The following XYLT1 variants were observed in gnomAD, a reference collection of about 807,000 sequenced individuals.
XYLT1 encodes beta-D-xylosyltransferase 1.
In XYLT1, 36 loss-of-function variants were observed where a neutral mutation model predicts 91.3. The ratio of observed to expected loss-of-function variants is 0.39; its 90% confidence interval spans 0.30 to 0.52. XYLT1 has a LOEUF of 0.52. Ranked by LOEUF, XYLT1 falls within the 20% of genes least tolerant of loss-of-function variation. The probability of loss-of-function intolerance (pLI) is 0.68; values close to 1 mark genes in which losing one functional copy is unlikely to be tolerated. For synonymous variants in XYLT1, 588 were observed against 532.0 expected (o/e 1.11, Z -1.45); for missense variants, 1,242 against 1,284.5 (o/e 0.97, Z 0.51).
intron 2 of XYLT1, among the ~76,000 whole-genome samples, chr16:17,357,264 C>A (rs1015748557): frequency 6.6e-6 from 1 of 151,472 alleles, no homozygotes; most frequent in Non-Finnish European, 1.5e-5. Context: ...CTGTGACCCT[C>A]AACCACAACT....
chr16:17,139,655 C>A (rs1483797493), intron 7 of XYLT1, among the ~76,000 whole-genome samples: 1 of 152,198 alleles, frequency 6.6e-6, no homozygotes, highest in African/African-American at 2.4e-5. Context: ...GGGAGGCATA[C>A]ATTCTCCAAC....
intron 5 of XYLT1, among the ~76,000 whole-genome samples, chr16:17,162,499 A>C (rs1173980894): frequency 6.6e-6 from 1 of 152,170 alleles, no homozygotes; most frequent in African/African-American, 2.4e-5. Context: ...AAAGTGCAGA[A>C]CCAGAACTGG....
chr16:17,399,216 T>A (rs2035932711), intron 1 of XYLT1, among the ~76,000 whole-genome samples: 1 of 152,036 alleles, frequency 6.6e-6, no homozygotes, highest in East Asian at 1.9e-4. Flanking sequence ...ACAGATGACA[T>A]CCTCAAAGTC....
chr16:17,383,176 C>T (rs1430543900), intron 1 of XYLT1, among the ~76,000 whole-genome samples: 1 of 151,858 alleles, frequency 6.6e-6, no homozygotes, highest in Non-Finnish European at 1.5e-5. Flanking sequence ...TCTAAACCAC[C>T]GTCACTAGCC....
intron 11 of XYLT1, among the ~76,000 whole-genome samples, chr16:17,113,961 A>G (rs1388398468): frequency 6.6e-6 from 1 of 151,266 alleles, no homozygotes; most frequent in African/African-American, 2.4e-5. Flanking sequence ...GTGCACCCCA[A>G]TGCCATGGGG....
intron 2 of XYLT1, among the ~76,000 whole-genome samples, chr16:17,262,297 G>A (rs545905386): frequency 1.3e-5 from 2 of 152,240 alleles, no homozygotes; most frequent in African/African-American, 4.8e-5. Flanking sequence ...ACTACTGTTC[G>A]CCCACCTTAC....
intron 3 of XYLT1, among the ~76,000 whole-genome samples, chr16:17,218,078 T>A (rs545677153): frequency 6.6e-6 from 1 of 151,970 alleles, no homozygotes; most frequent in Non-Finnish European, 1.5e-5. Flanking sequence ...GCCAACATGG[T>A]GAAACCTCAT....
In XYLT1 at chr16:17,108,765, G is replaced by A; in HGVS notation, c.2810C>T (p.Ala937Val). ...CPVMQTCSQT[A>V]WSSFSPDPKS... Reference sequence around the variant, plus strand: ...GGGGTCAGGGCTGAAGGAGCTCCAGGCCGTCTGGCTGCAGGTCTGCATGAC... The same window carrying A: ...GGGGTCAGGGCTGAAGGAGCTCCAGACCGTCTGGCTGCAGGTCTGCATGAC... The change falls in exon 12 of 12, where the codon GCC becomes GTC. Residue 937 changes from alanine (A) to valine (V), a missense_variant. Ala to Val is a moderately conservative substitution (Grantham distance 64, BLOSUM62 0). This residue lies in a region of XYLT1 where 511 missense variants were observed against 497.0 expected (regional missense o/e 1.03). Transcript: ENST00000261381. 1 of 1,608,468 alleles carries A rather than the reference G, an allele frequency of 6.2e-7. No homozygotes were observed.
intron 1 of XYLT1, among the ~76,000 whole-genome samples, chr16:17,377,382 A>G (rs566557530): frequency 6.6e-6 from 1 of 152,154 alleles, no homozygotes; most frequent in Non-Finnish European, 1.5e-5. Context: ...TCAGCTAGAC[A>G]TGGCGATAGA....
chr16:17,334,792 A>G (rs942780024), intron 2 of XYLT1, among the ~76,000 whole-genome samples: 5 of 152,100 alleles, frequency 3.3e-5, no homozygotes, highest in Non-Finnish European at 5.9e-5. Flanking sequence ...CTGAGGCAGG[A>G]GAATGGCGTG....
chr16:17,132,304 C>T (rs896942680), intron 9 of XYLT1, among the ~76,000 whole-genome samples: 39 of 152,110 alleles, frequency 2.6e-4, no homozygotes, highest in African/African-American at 7.0e-4. Context: ...GCTTGGGAGA[C>T]GGTGGGTGTG....
intron 9 of XYLT1, 63 bp downstream of exon 9, chr16:17,134,410 C>T (rs2030623336): frequency 6.3e-7 from 1 of 1,590,334 alleles, no homozygotes; most frequent in South Asian, 1.1e-5. Context: ...GACCCCCACT[C>T]TGTACCCTGA....
chr16:17,305,425 T>C (rs2034456934), intron 2 of XYLT1, among the ~76,000 whole-genome samples: 1 of 151,210 alleles, frequency 6.6e-6, no homozygotes, highest in Non-Finnish European at 1.5e-5. Flanking sequence ...TTCTTTTTTT[T>C]TTTTTTTTGA....
intron 2 of XYLT1, among the ~76,000 whole-genome samples, chr16:17,351,675 A>C (rs1017617698): frequency 6.6e-6 from 1 of 150,538 alleles, no homozygotes; most frequent in African/African-American, 2.5e-5. Context: ...TGTAAAATAA[A>C]CTGTCCTCAG....
chr16:17,138,697 C>G, intron 7 of XYLT1, 166 bp from the exon 8 acceptor site: 3 of 670,168 alleles, frequency 4.5e-6, no homozygotes, highest in Non-Finnish European at 7.3e-6. Flanking sequence ...GCTTGCAGAA[C>G]TGCAAGCCAA....
chr16:17,176,082 TTAGAAA>T (rs2031936315), intron 5 of XYLT1, among the ~76,000 whole-genome samples: 1 of 151,978 alleles, frequency 6.6e-6, no homozygotes, highest in African/African-American at 2.4e-5. Context: ...CTCCTGGCAC[TTAGAAA>T]TAAAGGACCA....
intron 3 of XYLT1, among the ~76,000 whole-genome samples, chr16:17,237,765 T>C (rs1567336213): frequency 1.3e-5 from 2 of 152,126 alleles, no homozygotes; most frequent in Admixed American, 6.5e-5. Context: ...AATGCAGGGG[T>C]TCCTCTCGGG....
At chr16:17,208,234 TAG>T (rs2032692686) in intron 3 of XYLT1, among the ~76,000 whole-genome samples, 3 of 150,264 alleles carry the variant, frequency 2.0e-5, no homozygotes, top group East Asian at 3.9e-4. Context: ...AATCCTCCCT[TAG>T]CCTCCCAAAG....
At chr16:17,192,243 C>T (rs535541940) in intron 5 of XYLT1, among the ~76,000 whole-genome samples, 19 of 152,046 alleles carry the variant, frequency 1.2e-4, no homozygotes, top group South Asian at 6.2e-4. Context: ...GGATTACAGG[C>T]GCCCGCCACC....
Sources: gnomAD v4.1 joint callset for allele counts (sites outside exome capture counted in the v4.1 genomes callset) on GRCh38, gnomAD v4.1.1 for gene constraint, gnomAD v4.1.1 regional missense constraint, MANE v1.5 for transcripts, NCBI Gene and HGNC (gene_info 2026-07-23, HGNC 2026-07-21) for gene names.